CACNA1B: variants seen among roughly 807,000 people sequenced by gnomAD.
CACNA1B encodes the protein voltage-dependent N-type calcium channel subunit alpha-1B.
A neutral mutation model predicts 247.2 loss-of-function variants in CACNA1B; 70 were observed. The ratio of observed to expected loss-of-function variants is 0.28; its 90% CI spans 0.23 to 0.35. The LOEUF is 0.35. CACNA1B is among the 10% of genes least tolerant of loss of function. The pLI, the probability that CACNA1B is intolerant of heterozygous loss-of-function variation, is 1.00. For missense variants in CACNA1B, 2,367 were observed against 3,197.4 expected (o/e 0.74, Z 6.26); for synonymous variants, 1,231 against 1,294.4 (o/e 0.95, Z 1.05).
chr9:138,048,046 C>T (rs1342255461), intron 23 of CACNA1B, among the ~76,000 whole-genome samples: 4 of 152,234 alleles, frequency 2.6e-5, no homozygotes, highest in Middle Eastern at 3.4e-3. Context: ...CCATGACTTC[C>T]GTGCAGCTTA....
chr9:137,879,330 G>A (rs1251328595), intron 2 of CACNA1B, among the ~76,000 whole-genome samples, 171 bp downstream of exon 2: 1 of 152,248 alleles, frequency 6.6e-6, no homozygotes. Flanking sequence ...GAGGGCCAGG[G>A]CAGCTGGGGT....
Position 137,913,331 on chromosome 9 carries a change from C to A in CACNA1B, c.622+60C>A. 1 of 1,285,368 alleles carries A rather than the reference C, an allele frequency of 7.8e-7. No homozygotes were observed. The highest frequency in any genetic ancestry group is 1.1e-6 in the Non-Finnish European group (1 of 889,868). 79.6% of individuals were successfully genotyped at this position (1,285,368 alleles called of 1,614,324 possible). A position where few individuals can be genotyped will look rare whatever the true frequency, so the allele number is the denominator to read the frequency against. ...GAGTAACAACCTCCTCTCCTACCCT[C>A]ACCACGGACATGGCCATGGCCATGG... On this transcript the variant is annotated intron_variant, in intron 4 of 46. Transcript: ENST00000371372. The surrounding 1 kb of genome is among the most constrained non-coding windows in gnomAD (Gnocchi z 5.2).
intron 20 of CACNA1B, among the ~76,000 whole-genome samples, chr9:138,042,429 C>T (rs185077568): frequency 6.4e-4 from 98 of 151,994 alleles, no homozygotes; most frequent in African/African-American, 2.2e-3. Flanking sequence ...GCAACAAGAG[C>T]GAAACTGTGT....
chr9:138,061,359 G>A (rs1009000720), intron 31 of CACNA1B, among the ~76,000 whole-genome samples: 9 of 152,148 alleles, frequency 5.9e-5, no homozygotes, highest in Non-Finnish European at 5.9e-5. Flanking sequence ...GAAGATGAGC[G>A]CAGAGTTCAT....
At chr9:138,067,414 G>A (rs912493298) in intron 31 of CACNA1B, among the ~76,000 whole-genome samples, 6 of 152,228 alleles carry the variant, frequency 3.9e-5, no homozygotes, top group African/African-American at 1.2e-4. Context: ...TTTAAAAGAA[G>A]AGAAGGCTGG....
rs1271104747 is a variant in CACNA1B, at chr9:137,973,913, C to T, written c.1544-1994C>T. On this transcript the variant is annotated intron_variant, in intron 11 of 46. Coordinates refer to ENST00000371372, the MANE Select transcript of CACNA1B (RefSeq NM_000718.4). This position sits in a 1 kb window ranked among gnomAD's most constrained non-coding sequence, Gnocchi z 4.1. ...GTACTTGTTCCTTGCAAAGTGCTCT[C>T]ACTTTGGTCTCCTGGGGAGCAAGGT... is the stretch of plus-strand genomic sequence containing the variant. Among the ~76,000 whole-genome samples the T allele has an allele frequency of 1.3e-5, 2 of 152,148 alleles. No individual in the cohort carries two copies. Among genetic ancestry groups the T allele is most frequent in the Non-Finnish European group, 2.9e-5 (2 of 68,030 alleles).
At chr9:137,940,612 C>CG (rs1554734298) in intron 6 of CACNA1B, among the ~76,000 whole-genome samples, 1 of 151,904 alleles carries the variant, frequency 6.6e-6, no homozygotes, top group African/African-American at 2.4e-5. Flanking sequence ...AGGACATAAC[C>CG]AAAAAAGAAA....
In CACNA1B at chr9:137,956,767, G is replaced by T. The variant is rs202019797; in HGVS notation, c.1187-4G>T. The T allele has an allele frequency of 1.2e-6, 2 of 1,613,228 alleles. No individual in the cohort carries two copies. The highest frequency in any genetic ancestry group is 1.7e-6 in the Non-Finnish European group (2 of 1,179,430). On this transcript the variant is annotated splice_region_variant and splice_polypyrimidine_tract_variant and intron_variant, in intron 8 of 46. Coordinates refer to ENST00000371372, the MANE Select transcript of CACNA1B (RefSeq NM_000718.4). ...TCTGACCTGAGGCTGTGTTCCCCTC[G>T]CAGAGGAAGTCATGCTGGCCGAGGA...
intron 3 of CACNA1B, among the ~76,000 whole-genome samples, chr9:137,906,714 C>T (rs1297598605): frequency 6.6e-6 from 1 of 152,054 alleles, no homozygotes; most frequent in African/African-American, 2.4e-5. Flanking sequence ...TCTCTTCATC[C>T]CCATGTGATG....
chr9:137,912,725 C>T (rs184487434), intron 3 of CACNA1B, among the ~76,000 whole-genome samples: 3 of 152,238 alleles, frequency 2.0e-5, no homozygotes, highest in African/African-American at 4.8e-5. Flanking sequence ...ATATGGGGGT[C>T]GGTTCAGGAG....
At chr9:138,087,922 A>G (rs1960755271) in intron 36 of CACNA1B, among the ~76,000 whole-genome samples, 1 of 152,090 alleles carries the variant, frequency 6.6e-6, no homozygotes, top group Admixed American at 6.5e-5. Flanking sequence ...AAACACACAA[A>G]GATTTCAAAT....
intron 10 of CACNA1B, among the ~76,000 whole-genome samples, chr9:137,969,708 G>A (rs757863571): frequency 4.6e-5 from 7 of 152,190 alleles, no homozygotes; most frequent in South Asian, 2.1e-4. Context: ...AAAAGTGAGC[G>A]TGGTCAGGCT....
chr9:138,024,816 T>C, intron 19 of CACNA1B, 139 bp from the exon 20 acceptor site: 1 of 633,384 alleles, frequency 1.6e-6, no homozygotes, highest in Non-Finnish European at 2.8e-6. Context: ...TTAATTTTTG[T>C]AGAGATGGGG....
In CACNA1B at chr9:138,120,794, G is replaced by GC; in HGVS notation, c.6402_6403insC (p.Gly2135ArgfsTer3). On this transcript the variant is annotated frameshift_variant, in exon 46 of 47. Coordinates refer to ENST00000371372, the MANE Select transcript of CACNA1B (RefSeq NM_000718.4). LOFTEE classifies it high-confidence loss of function. Reference sequence around the variant, plus strand: ...GCTTCTACTCCTGCGACCGCTTTGGGGGCCGTGAGCCCCCGAAGCCCAAGC... The same window carrying GC: ...GCTTCTACTCCTGCGACCGCTTTGGGCGGCCGTGAGCCCCCGAAGCCCAAGC... The GC allele has an allele frequency of 6.4e-7, 1 of 1,556,732 alleles. No homozygotes were observed. The highest frequency in any genetic ancestry group is 8.7e-7 in the Non-Finnish European group (1 of 1,150,720).
chr9:138,095,001 A>G (rs1036878163), intron 36 of CACNA1B, among the ~76,000 whole-genome samples: 1 of 152,218 alleles, frequency 6.6e-6, no homozygotes, highest in Non-Finnish European at 1.5e-5. Context: ...AAAAATTATG[A>G]AACTATTAGA....
chr9:137,933,264 G>A (rs548310291), intron 6 of CACNA1B, among the ~76,000 whole-genome samples: 5 of 151,892 alleles, frequency 3.3e-5, no homozygotes, highest in South Asian at 4.2e-4. Context: ...GTTAGCCAGA[G>A]TGGTCTCAAA....
Position 137,913,336 on chromosome 9 carries a change from C to T in CACNA1B, c.622+65C>T, listed in dbSNP as rs999945466. 187 of 1,233,062 alleles carry T rather than the reference C, an allele frequency of 1.5e-4. No homozygotes were observed. The East Asian group carries it at 2.3e-3, about 15-fold the overall frequency. The allele number at this position is 1,233,062 out of a possible 1,614,324, so 76.4% of individuals were successfully genotyped here. ...ACAACCTCCTCTCCTACCCTCACCA[C>T]GGACATGGCCATGGCCATGGTTTGG... On this transcript the variant is annotated intron_variant, in intron 4 of 46. Coordinates refer to ENST00000371372, the MANE Select transcript of CACNA1B (RefSeq NM_000718.4). This position sits in a 1 kb window ranked among gnomAD's most constrained non-coding sequence, Gnocchi z 5.2.
At chr9:137,937,947 CAAAAAAAAAAAAAAAAAAAAA>C (rs57680122) in intron 6 of CACNA1B, among the ~76,000 whole-genome samples, 1 of 21,934 alleles carries the variant, frequency 4.6e-5, no homozygotes, top group East Asian at 1.3e-3. Flanking sequence ...AACTCTGTCT[CAAAAAAAAAAAAAAAAAAAAA>C]AAAAAAAAAA....
intron 15 of CACNA1B, among the ~76,000 whole-genome samples, chr9:137,995,213 A>T (rs1589054958): frequency 6.5e-5 from 1 of 15,344 alleles, no homozygotes; most frequent in African/African-American, 1.3e-4. Flanking sequence ...ACTCCGTCTC[A>T]AAAAAAAAAA....
Sources: allele counts gnomAD v4.1 joint callset (sites outside exome capture counted in the v4.1 genomes callset), GRCh38; gene constraint gnomAD v4.1.1; non-coding constraint Gnocchi (gnomAD v3.1); transcripts MANE v1.5; gene names NCBI Gene and HGNC (gene_info 2026-07-23, HGNC 2026-07-21).